RAB2A: variants seen among roughly 807,000 people sequenced by gnomAD.
RAB2A encodes RAB2A, member RAS oncogene family.
RAB2A carries 7 observed loss-of-function variants against 32.5 expected under a neutral mutation model. The ratio of observed to expected loss-of-function variants is 0.22; its 90% CI spans 0.12 to 0.40. The LOEUF (loss-of-function observed/expected upper bound fraction) is 0.40. Among genes scored for constraint, RAB2A ranks in the 10% least tolerant of loss-of-function variants. The pLI is 1.00. For missense variants in RAB2A, 108 were observed against 260.7 expected, an observed-to-expected ratio of 0.41 and a Z score of 4.03; for synonymous variants, 79 against 85.2, an observed-to-expected ratio of 0.93 and a Z score of 0.40.
chr8:60,587,766 A>G (rs1803874241), intron 5 of RAB2A, among the ~76,000 whole-genome samples: 1 of 131,938 alleles, frequency 7.6e-6, no homozygotes, highest in Non-Finnish European at 1.5e-5. Flanking sequence ...ATCAATTTAA[A>G]TAAATAAATT....
At chr8:60,586,571 A>G (rs989472449) in intron 5 of RAB2A, among the ~76,000 whole-genome samples, 1 of 152,122 alleles carries the variant, frequency 6.6e-6, no homozygotes, top group Non-Finnish European at 1.5e-5. Flanking sequence ...AGATATAACC[A>G]TGTTCATGGA....
Position 60,585,235 on chromosome 8 carries a change from A to G in RAB2A, c.362+420A>G, listed in dbSNP as rs550606657. 2.6e-5 allele frequency among the ~76,000 whole-genome samples: 4 copies of G among 152,304 alleles called. No individual in the cohort carries two copies. In the South Asian group the frequency reaches 8.3e-4, roughly 32 times the overall value. On this transcript the variant is annotated intron_variant, in intron 5 of 7. Coordinates refer to ENST00000262646, the MANE Select transcript of RAB2A (RefSeq NM_002865.3). ...TTTTCACTAATTTTTGTAGAAACTT[A>G]CAGTGGTAAGAAAATATTAGTATTT... is the stretch of plus-strand genomic sequence containing the variant.
rs182111917 is a variant in RAB2A, at chr8:60,518,235, C to T, written c.46+982C>T. Among the ~76,000 whole-genome samples, 48 of 152,300 alleles carry T rather than the reference C, an allele frequency of 3.2e-4. No individual in the cohort carries two copies. In the East Asian group the frequency reaches 9.2e-3, roughly 29 times the overall value. ...CATAAAGATTGTTTAGATGTTGCAACTATTAATATACCAGAGTCTGATTTC... is the reference window on the plus strand; with the variant it reads ...CATAAAGATTGTTTAGATGTTGCAATTATTAATATACCAGAGTCTGATTTC... On this transcript the variant is annotated intron_variant, in intron 1 of 7. Transcript: ENST00000262646.
At chr8:60,608,048 A>G (rs996992094) in intron 6 of RAB2A, among the ~76,000 whole-genome samples, 2 of 152,130 alleles carry the variant, frequency 1.3e-5, no homozygotes, top group African/African-American at 2.4e-5. Flanking sequence ...ACCACGGCCA[A>G]GGTCATCCTG....
intron 1 of RAB2A, among the ~76,000 whole-genome samples, chr8:60,523,541 T>C (rs1807333336): frequency 6.6e-6 from 1 of 152,216 alleles, no homozygotes; most frequent in African/African-American, 2.4e-5. Context: ...CCTGCTTTTC[T>C]TCATAGTTGT....
chr8:60,605,834 T>TAC (rs1563484988), intron 6 of RAB2A, among the ~76,000 whole-genome samples: 1 of 141,458 alleles, frequency 7.1e-6, no homozygotes, highest in African/African-American at 2.9e-5. Context: ...GACTAATACA[T>TAC]ATATACATAT....
chr8:60,614,687 A>G lies in RAB2A; in HGVS notation c.475-3893A>G, dbSNP rs147712168. Among the ~76,000 whole-genome samples, 161 of 152,342 alleles carry G rather than the reference A, an allele frequency of 1.1e-3. 1 individual carries two copies. In the East Asian group the frequency reaches 0.029, roughly 27 times the overall value. ...TGGTTACGGTTGTTTCAACTGTGCA[A>G]TCGAAGTCCCTGAAATTTTGCCTTA... On this transcript the variant is annotated intron_variant, in intron 6 of 7. Transcript: ENST00000262646.
chr8:60,570,169 G>C (rs1808176567), intron 2 of RAB2A: 2 of 361,222 alleles, frequency 5.5e-6, no homozygotes, highest in Admixed American at 6.9e-5. Context: ...GGTATCAGCA[G>C]CATTGATGGG....
intron 3 of RAB2A, 51 bp from the exon 4 acceptor site, chr8:60,584,157 G>A (rs574817117): frequency 2.9e-6 from 4 of 1,365,408 alleles, no homozygotes; most frequent in Non-Finnish European, 3.1e-6. Flanking sequence ...ATATGAAAAT[G>A]TAGAGGACAT....
chr8:60,549,807 T>G (rs1024943970), intron 1 of RAB2A, among the ~76,000 whole-genome samples: 1 of 152,144 alleles, frequency 6.6e-6, no homozygotes, highest in African/African-American at 2.4e-5. Flanking sequence ...AATAACTGTT[T>G]ATAGGGGATT....
chr8:60,517,364 C>T (rs772091460), intron 1 of RAB2A, 111 bp downstream of exon 1: 38 of 1,018,342 alleles, frequency 3.7e-5, no homozygotes, highest in Non-Finnish European at 4.7e-5. Flanking sequence ...GCGCCTCCCT[C>T]CTGGCCGCGC....
chr8:60,563,923 C>T (rs1808064850), intron 2 of RAB2A, among the ~76,000 whole-genome samples: 1 of 152,132 alleles, frequency 6.6e-6, no homozygotes, highest in Non-Finnish European at 1.5e-5. Context: ...GTATCATAGT[C>T]TCGTGGCTAA....
intron 6 of RAB2A, among the ~76,000 whole-genome samples, chr8:60,617,356 C>T (rs558368614): frequency 6.6e-6 from 1 of 152,112 alleles, no homozygotes; most frequent in Non-Finnish European, 1.5e-5. Context: ...ATTTTGCTTT[C>T]TTAAACTATA....
intron 2 of RAB2A, among the ~76,000 whole-genome samples, chr8:60,569,368 T>C (rs932730576): frequency 6.6e-5 from 10 of 152,244 alleles, no homozygotes; most frequent in African/African-American, 2.4e-4. Context: ...AGATGTCTAT[T>C]GTATTATGAC....
At chr8:60,544,964 T>G (rs1807704956) in intron 1 of RAB2A, among the ~76,000 whole-genome samples, 1 of 152,068 alleles carries the variant, frequency 6.6e-6, no homozygotes, top group Non-Finnish European at 1.5e-5. Flanking sequence ...AGGCTGGTTT[T>G]GAACTCCTGA....
intron 2 of RAB2A, among the ~76,000 whole-genome samples, chr8:60,565,935 G>A (rs1216585153): frequency 6.6e-6 from 1 of 151,782 alleles, no homozygotes; most frequent in Non-Finnish European, 1.5e-5. Flanking sequence ...GGATGGTCTC[G>A]ATCTCCTGAC....
chr8:60,594,474 T>TTTTG (rs781460200), intron 6 of RAB2A, among the ~76,000 whole-genome samples: 78 of 152,242 alleles, frequency 5.1e-4, no homozygotes, highest in South Asian at 5.0e-3. Flanking sequence ...GCACAGTGAT[T>TTTTG]TTTGTTTGTT....
intron 2 of RAB2A, among the ~76,000 whole-genome samples, chr8:60,562,964 G>A (rs989380705): frequency 1.3e-5 from 2 of 151,684 alleles, no homozygotes; most frequent in African/African-American, 2.4e-5. Context: ...ATTGGCCCAA[G>A]GCCTACTTAA....
chr8:60,599,570 A>G (rs560857091), intron 6 of RAB2A, among the ~76,000 whole-genome samples: 1 of 152,302 alleles, frequency 6.6e-6, no homozygotes. Context: ...TGATACTGGT[A>G]AAGGGATAGA....
Sources: allele counts gnomAD v4.1 joint callset (sites outside exome capture counted in the v4.1 genomes callset), GRCh38; gene constraint gnomAD v4.1.1; transcripts MANE v1.5; gene names NCBI Gene and HGNC (gene_info 2026-07-23, HGNC 2026-07-21).